ADGRF3: variants seen among roughly 807,000 people sequenced by gnomAD.
ADGRF3 encodes adhesion G protein-coupled receptor F3, also known as G protein-coupled receptor 113.
In ADGRF3, 85 loss-of-function variants were observed where a neutral mutation model predicts 93.2. The ratio of observed to expected loss-of-function variants is 0.91; its 90% confidence interval spans 0.77 to 1.09. The LOEUF (loss-of-function observed/expected upper bound fraction) is 1.09. Among genes scored for constraint, ADGRF3 ranks in the 50% least tolerant of loss-of-function variants. ADGRF3 has a pLI of 0.00. For synonymous variants in ADGRF3, 534 were observed against 532.5 expected (o/e 1.00, Z -0.04); for missense variants, 1,125 against 1,246.2 (o/e 0.90, Z 1.46).
intron 4 of ADGRF3, 139 bp downstream of exon 4, chr2:26,316,136 T>C (rs913752557): frequency 3.5e-6 from 3 of 851,348 alleles, no homozygotes; most frequent in Non-Finnish European, 5.3e-6. Flanking sequence ...TCTGCTATGA[T>C]GGCTGGCTTT....
chr2:26,310,270 A>G (rs764367242), intron 10 of ADGRF3, 33 bp from the exon 11 acceptor site: 1 of 1,612,764 alleles, frequency 6.2e-7, no homozygotes, highest in African/African-American at 1.3e-5. Flanking sequence ...AAGCTGGTCA[A>G]GGAGGAAGGG....
chr2:26,320,165 A>G (rs187596075), intron 1 of ADGRF3, among the ~76,000 whole-genome samples: 40 of 152,360 alleles, frequency 2.6e-4, no homozygotes, highest in African/African-American at 9.4e-4. Flanking sequence ...AATAGGCAAA[A>G]GATGGGAATA....
chr2:26,338,358 AAG>A (rs1195122616), intron 1 of ADGRF3, among the ~76,000 whole-genome samples: 1 of 152,118 alleles, frequency 6.6e-6, no homozygotes, highest in African/African-American at 2.4e-5. Flanking sequence ...TAAAAAAACA[AAG>A]AGAGAGAGAG....
chr2:26,309,941 C>G, intron 12 of ADGRF3, 102 bp downstream of exon 12: 1 of 1,612,374 alleles, frequency 6.2e-7, no homozygotes, highest in African/African-American at 1.3e-5. Context: ...CCCCAATCTT[C>G]TCTCAGCTTC....
chr2:26,314,017 T>A, intron 6 of ADGRF3, 114 bp from the exon 7 acceptor site: 1 of 1,324,766 alleles, frequency 7.5e-7, no homozygotes, highest in Non-Finnish European at 1.0e-6. Context: ...GAGGAAGCAG[T>A]GGGGAAGAGC....
At position 26,313,442 on chromosome 2, in the gene ADGRF3, C is replaced by T. The variant is rs747984768; in HGVS notation, c.1204G>A (p.Val402Ile). 2 of 1,610,250 alleles carry T rather than the reference C, an allele frequency of 1.2e-6. No homozygotes were observed. The highest frequency in any genetic ancestry group is 2.2e-5 in the South Asian group (2 of 90,178). ...CAGCTGCTGTGGACCGGCCCCCAGA[C>T]TCCGTCAGCCCCACAGAGCCTCCTC... Reference protein sequence around the residue: ...IVRRLCGADGVWGPVHSSCTD... With the variant: ...IVRRLCGADGIWGPVHSSCTD... The change falls in exon 8 of 14, where the codon GTC becomes ATC. Residue 402 changes from valine to isoleucine, a missense_variant. Val to Ile is a conservative substitution (Grantham distance 29). Transcript: ENST00000651242.
At position 26,310,380 on chromosome 2, in the gene ADGRF3, A is replaced by G. The variant is rs1673968186; in HGVS notation, c.2833-143T>C. 4 of 895,432 alleles carry G rather than the reference A, an allele frequency of 4.5e-6. No homozygotes were observed. The South Asian group carries it at 6.9e-5, about 16-fold the overall frequency. The allele number at this position is 895,432 out of a possible 1,614,324, so 55.5% of individuals were successfully genotyped here. On this transcript the variant is annotated intron_variant, in intron 10 of 13. Coordinates refer to ENST00000651242, the MANE Select transcript of ADGRF3 (RefSeq NM_001321971.2). ...TACCACTATTTGGTGCATAGGATCC[A>G]TTTCAGGTGCTTTTCTTATTGTTAT...
At chr2:26,312,131 G>T in intron 9 of ADGRF3, 57 bp from the exon 10 acceptor site, 1 of 1,510,552 alleles carries the variant, frequency 6.6e-7, no homozygotes, top group Non-Finnish European at 8.9e-7. Flanking sequence ...GGACTGAGCC[G>T]GGGGCAATGA....
rs577614266 is a variant in ADGRF3, at chr2:26,313,836, G to A, written c.996C>T (p.Asp332=). ...VLAVQRCPMA[D]TTYACDLQSL... ...TCTGCAGGTCACAAGCGTACGTGGT[G>A]TCAGCCATCGGGCAGCGCTGAACAG... is the stretch of plus-strand genomic sequence containing the variant. The change falls in exon 7 of 14, where the codon GAC becomes GAT. Residue 332 remains aspartate, a synonymous_variant. Coordinates refer to ENST00000651242, the MANE Select transcript of ADGRF3 (RefSeq NM_001321971.2). 2 of 1,613,994 alleles carry A rather than the reference G, an allele frequency of 1.2e-6. No homozygotes were observed. The highest frequency in any genetic ancestry group is 1.7e-6 in the Non-Finnish European group (2 of 1,179,876).
chr2:26,322,658 C>T (rs1232705145), intron 1 of ADGRF3, among the ~76,000 whole-genome samples: 2 of 152,172 alleles, frequency 1.3e-5, no homozygotes, highest in Non-Finnish European at 2.9e-5. Context: ...CAGTACCCCC[C>T]AGTGCCTAGC....
At position 26,313,455 on chromosome 2, in the gene ADGRF3, A is replaced by T; in HGVS notation, c.1191T>A (p.Cys397Ter). Residue 397 changes from cysteine to a stop codon, truncating the protein, a stop_gained, in exon 8 of 14, where the codon TGT becomes TGA. Transcript: ENST00000651242. LOFTEE classifies it high-confidence loss of function. ...CCGGCCCCCAGACTCCGTCAGCCCC[A>T]CAGAGCCTCCTCACTATGCCCCTCT... Reference protein sequence around the residue: ...ESKRGIVRRLCGADGVWGPVH... With the variant: ...ESKRGIVRRL The T allele has an allele frequency of 1.2e-6, 2 of 1,610,942 alleles. No individual in the cohort carries two copies. The highest frequency in any genetic ancestry group is 2.2e-5 in the South Asian group (2 of 90,290).
At chr2:26,310,619 C>T in intron 10 of ADGRF3, 73 bp downstream of exon 10, 3 of 1,470,700 alleles carry the variant, frequency 2.0e-6, no homozygotes, top group Non-Finnish European at 2.8e-6. Context: ...CTTGGTACCT[C>T]CTAGAGAAGA....
In ADGRF3 at chr2:26,311,790, G is replaced by A. The variant is rs959402122; in HGVS notation, c.1734C>T (p.Val578=). 2 of 1,613,724 alleles carry A rather than the reference G, an allele frequency of 1.2e-6. No homozygotes were observed. Among genetic ancestry groups the A allele is most frequent in the African/African-American group, 1.3e-5 (1 of 74,936 alleles). The change falls in exon 10 of 14, where the codon GTC becomes GTT. Residue 578 remains valine (V), a synonymous_variant. Transcript: ENST00000651242. ...QIPRHSLAPL[V]RNGTEISITS... ...TAATACTTATTTCAGTTCCATTACG[G>A]ACCAATGGGGCCAGTGAGTGCCTGG...
At chr2:26,345,151 G>A (rs780948487) in intron 1 of ADGRF3, among the ~76,000 whole-genome samples, 6 of 152,142 alleles carry the variant, frequency 3.9e-5, no homozygotes, top group Non-Finnish European at 7.3e-5. Context: ...TCTGAAAAAG[G>A]GGATAATGCC....
At chr2:26,337,857 T>C (rs1297249410) in intron 1 of ADGRF3, among the ~76,000 whole-genome samples, 1 of 151,948 alleles carries the variant, frequency 6.6e-6, no homozygotes, top group African/African-American at 2.4e-5. Context: ...AACCTGTCTC[T>C]ACTAAAAATA....
intron 2 of ADGRF3, 105 bp downstream of exon 2, chr2:26,317,391 C>T: frequency 9.2e-7 from 1 of 1,089,582 alleles, no homozygotes; most frequent in Non-Finnish European, 1.3e-6. Flanking sequence ...TCTCCGCCAC[C>T]ACTCCCTCGC....
At chr2:26,314,344 AC>A (rs1674460916) in intron 6 of ADGRF3, 69 bp downstream of exon 6, 1 of 1,420,722 alleles carries the variant, frequency 7.0e-7, no homozygotes, top group Non-Finnish European at 9.7e-7. Context: ...TGAGCTGAAG[AC>A]CCAGCTGCCT....
intron 1 of ADGRF3, among the ~76,000 whole-genome samples, chr2:26,331,599 G>A (rs902808568): frequency 1.6e-4 from 24 of 152,150 alleles, no homozygotes; most frequent in African/African-American, 5.8e-4. Context: ...GCACAGTGGT[G>A]TGTACCCGTA....
intron 5 of ADGRF3, among the ~76,000 whole-genome samples, chr2:26,315,304 C>T (rs1674549933): frequency 6.6e-6 from 1 of 152,180 alleles, no homozygotes; most frequent in Non-Finnish European, 1.5e-5. Context: ...GAATTTTCCA[C>T]ATTGCAATTT....
Sources: allele counts gnomAD v4.1 joint callset (sites outside exome capture counted in the v4.1 genomes callset), GRCh38; gene constraint gnomAD v4.1.1; transcripts MANE v1.5; gene names NCBI Gene and HGNC (gene_info 2026-07-23, HGNC 2026-07-21).